Variants in DLGAP4 observed in about 807,000 individuals in gnomAD.
DLGAP4 encodes disks large-associated protein 4.
Under a neutral mutation model 86.9 loss-of-function variants are expected in DLGAP4, and 18 were observed. That is an observed-to-expected ratio of 0.21 (90% CI 0.14 to 0.31). The LOEUF is 0.31. Among genes scored for constraint, DLGAP4 ranks in the 10% least tolerant of loss-of-function variants. The probability of loss-of-function intolerance (pLI) is 1.00; values close to 1 mark genes in which losing one functional copy is unlikely to be tolerated. For missense variants in DLGAP4, 1,085 were observed against 1,362.6 expected, an observed-to-expected ratio of 0.80 and a Z score of 3.21; for synonymous variants, 548 against 574.3, an observed-to-expected ratio of 0.95 and a Z score of 0.65.
At chr20:36,332,767 C>T (rs2065282904) in intron 1 of DLGAP4, among the ~76,000 whole-genome samples, 1 of 152,062 alleles carries the variant, frequency 6.6e-6, no homozygotes, top group Non-Finnish European at 1.5e-5. Context: ...AGAGCTGGGC[C>T]TGCCTGGGTC....
chr20:36,465,961 A>G (rs530544786), intron 7 of DLGAP4, among the ~76,000 whole-genome samples: 1 of 152,198 alleles, frequency 6.6e-6, no homozygotes, highest in East Asian at 1.9e-4. Flanking sequence ...CTGGCTCTGG[A>G]GTCCCAGCAG....
intron 2 of DLGAP4, among the ~76,000 whole-genome samples, chr20:36,430,647 G>GAA (rs2033102883): frequency 2.5e-5 from 1 of 40,564 alleles, no homozygotes; most frequent in African/African-American, 8.3e-5. Context: ...TGACCTTGTT[G>GAA]CAAAAAAAAA....
intron 4 of DLGAP4, among the ~76,000 whole-genome samples, chr20:36,437,080 C>A (rs1029178533): frequency 1.3e-5 from 2 of 152,188 alleles, no homozygotes; most frequent in African/African-American, 4.8e-5. Context: ...TGAATCCTGT[C>A]CCTCAGCTTC....
intron 10 of DLGAP4, among the ~76,000 whole-genome samples, chr20:36,518,213 C>T (rs1461051824): frequency 2.0e-5 from 3 of 149,746 alleles, no homozygotes; most frequent in Admixed American, 1.3e-4. Context: ...CAAAACAAGA[C>T]AAGACTCGGT....
rs771934708 is a variant in DLGAP4 at position 36,496,717 on chromosome 20, T to C, written c.1661T>C (p.Leu554Pro). The C allele has an allele frequency of 2.5e-6, 4 of 1,605,852 alleles. No homozygotes were observed. The highest frequency in any genetic ancestry group is 8.5e-7 in the Non-Finnish European group (1 of 1,173,178). Residue 554 changes from leucine (L) to proline (P), a missense_variant, in exon 8 of 13, where the codon CTA (leucine) becomes CCA (proline). Coordinates refer to ENST00000339266, the MANE Select transcript of DLGAP4 (RefSeq NM_001365621.2). ...NSRTLPSSSC[L>P]VAYKKTPPPV... is the part of the protein sequence containing the mutation. ...CATCCATCTGCAGGTTCATCATGCC[T>C]AGTGGCGTATAAGAAGACCCCGCCA...
intron 2 of DLGAP4, among the ~76,000 whole-genome samples, chr20:36,373,577 G>C (rs1197840436): frequency 6.6e-6 from 1 of 152,182 alleles, no homozygotes; most frequent in Non-Finnish European, 1.5e-5. Flanking sequence ...GGAACCTCAA[G>C]AGTGGAGAGT....
chr20:36,525,274 G>C (rs1364617271), intron 11 of DLGAP4, among the ~76,000 whole-genome samples: 1 of 140,740 alleles, frequency 7.1e-6, no homozygotes, highest in South Asian at 2.3e-4. Context: ...CCCACTGCTG[G>C]GATTGGTGGC....
intron 7 of DLGAP4, chr20:36,462,236 G>T (rs540223619): frequency 3.3e-6 from 4 of 1,198,808 alleles, no homozygotes; most frequent in Non-Finnish European, 4.1e-6. Flanking sequence ...CTGACTTCAG[G>T]AGCTCCTCTC....
At chr20:36,483,057 T>C (rs1569515001) in intron 7 of DLGAP4, among the ~76,000 whole-genome samples, 1 of 152,160 alleles carries the variant, frequency 6.6e-6, no homozygotes, top group Admixed American at 6.5e-5. Flanking sequence ...CTTGGATTCC[T>C]AGGGATGATG....
chr20:36,380,647 GA>G (rs2031352885), intron 2 of DLGAP4, among the ~76,000 whole-genome samples: 1 of 104,626 alleles, frequency 9.6e-6, no homozygotes, highest in African/African-American at 4.5e-5. Context: ...GAGAGAGAGA[GA>G]GAGAGAGAGA....
At chr20:36,410,219 G>T (rs894508235) in intron 2 of DLGAP4, among the ~76,000 whole-genome samples, 1 of 152,052 alleles carries the variant, frequency 6.6e-6, no homozygotes, top group Non-Finnish European at 1.5e-5. Context: ...ACCACCTCAA[G>T]CTCAGTTTGG....
At chr20:36,468,605 C>G (rs1267069032) in intron 7 of DLGAP4, among the ~76,000 whole-genome samples, 4 of 152,276 alleles carry the variant, frequency 2.6e-5, no homozygotes, top group Non-Finnish European at 4.4e-5. Flanking sequence ...ATGGCAGGCA[C>G]AGCCTCCAGG....
At chr20:36,317,356 T>G (rs904718959) in intron 1 of DLGAP4, among the ~76,000 whole-genome samples, 1 of 149,484 alleles carries the variant, frequency 6.7e-6, no homozygotes, top group African/African-American at 2.5e-5. Flanking sequence ...TCCTTCTCTC[T>G]TTCTTTCTTT....
At chr20:36,490,454 G>T (rs1337839483) in intron 7 of DLGAP4, among the ~76,000 whole-genome samples, 1 of 152,172 alleles carries the variant, frequency 6.6e-6, no homozygotes, top group Admixed American at 6.5e-5. Context: ...TTACTTGCTG[G>T]CTGGGAGAGG....
chr20:36,332,993 G>A (rs1022800700), intron 1 of DLGAP4, among the ~76,000 whole-genome samples: 6 of 152,170 alleles, frequency 3.9e-5, no homozygotes, highest in Non-Finnish European at 8.8e-5. Flanking sequence ...CCTCTCAGAT[G>A]CAGGATGTAG....
rs566288853 is a variant in DLGAP4 at position 36,499,839 on chromosome 20, C to T, written c.2099+163C>T. 1.5e-4 allele frequency among the ~76,000 whole-genome samples: 19 copies of T among 126,770 alleles called. No individual in the cohort carries two copies. In the South Asian group the frequency reaches 3.4e-3, roughly 22 times the overall value. 83.2% of individuals were successfully genotyped at this position (126,770 alleles called of 152,430 possible). ...CCAGGCATGGGAGGCTGGGCAGGGGCGGGCGGGTGGACAGATGAGCATTTG... is the reference window on the plus strand; with the variant it reads ...CCAGGCATGGGAGGCTGGGCAGGGGTGGGCGGGTGGACAGATGAGCATTTG... On this transcript the variant is annotated intron_variant, in intron 9 of 12. Coordinates refer to ENST00000339266, the MANE Select transcript of DLGAP4 (RefSeq NM_001365621.2).
At position 36,527,153 on chromosome 20, in the gene DLGAP4, T is replaced by C. The variant is rs2037822275; in HGVS notation, c.*122T>C. ...CTGTCTAGAGACCCTGAGCCAACTT[T>C]CAAATTGACGCATACAAGGGCTCAC... On this transcript the variant is annotated 3_prime_UTR_variant, in exon 13 of 13. Transcript: ENST00000339266. The C allele has an allele frequency of 1.8e-6, 2 of 1,100,534 alleles. No individual in the cohort carries two copies. The highest frequency in any genetic ancestry group is 2.5e-6 in the Non-Finnish European group (2 of 798,516). 68.2% of individuals were successfully genotyped at this position (1,100,534 alleles called of 1,614,324 possible).
In DLGAP4 at chr20:36,497,014, A is replaced by T; in HGVS notation, c.1958A>T (p.Glu653Val). The T allele has an allele frequency of 6.2e-7, 1 of 1,612,788 alleles. No individual in the cohort carries two copies. Among genetic ancestry groups the T allele is most frequent in the Non-Finnish European group, 8.5e-7 (1 of 1,178,932 alleles). Reference sequence around the variant, plus strand: ...GAACAAGGGACGCTGACCAGCTCTGAGTCCCACCCCGAGGCCGCCCCCAAA... The same window carrying T: ...GAACAAGGGACGCTGACCAGCTCTGTGTCCCACCCCGAGGCCGCCCCCAAA... ...KSEQGTLTSSESHPEAAPKRK... is the reference protein window; with the variant it reads ...KSEQGTLTSSVSHPEAAPKRK... Residue 653 changes from glutamate (E) to valine (V), a missense_variant, in exon 8 of 13, where the codon GAG (glutamate) becomes GTG (valine). By Grantham distance (121) the Glu-to-Val change is moderately radical. Transcript: ENST00000339266.
chr20:36,500,686 T>G lies in DLGAP4; in HGVS notation c.2512+75T>G, dbSNP rs1385293618. 3 of 1,362,030 alleles carry G rather than the reference T, an allele frequency of 2.2e-6. No individual in the cohort carries two copies. In the African/African-American group the frequency reaches 4.5e-5, roughly 20 times the overall value. 84.4% of individuals were successfully genotyped at this position (1,362,030 alleles called of 1,614,324 possible). A position where few individuals can be genotyped will look rare whatever the true frequency, so the allele number is the denominator to read the frequency against. On this transcript the variant is annotated intron_variant, in intron 10 of 12. Coordinates refer to ENST00000339266, the MANE Select transcript of DLGAP4 (RefSeq NM_001365621.2). The surrounding 1 kb of genome is among the most constrained non-coding windows in gnomAD (Gnocchi z 4.6). The stretch of plus-strand genomic sequence containing the variant: ...CTGGTTTCAGCTGGTGGCCAGCAGC[T>G]TCCGAACTTCTGAGTGGGGGTCTCT...
Sources: gnomAD v4.1 joint callset for allele counts (sites outside exome capture counted in the v4.1 genomes callset) on GRCh38, gnomAD v4.1.1 for gene constraint, Gnocchi (gnomAD v3.1) non-coding constraint, MANE v1.5 for transcripts, NCBI Gene and HGNC (gene_info 2026-07-23, HGNC 2026-07-21) for gene names.